Variants in CD96 observed in about 807,000 individuals in gnomAD.
CD96 encodes the protein CD96 molecule.
Under a neutral mutation model 71.3 loss-of-function variants are expected in CD96, and 70 were observed. The observed-to-expected ratio is 0.98, with a 90% CI of 0.81 to 1.20. The LOEUF is 1.20. CD96 is among the 50% of genes most tolerant of loss of function. The pLI is 0.00. For synonymous variants in CD96, 248 were observed against 233.0 expected (o/e 1.06, Z -0.59); for missense variants, 742 against 677.5 (o/e 1.10, Z -1.06).
At chr3:111,603,481 A>T (rs1937545653) in intron 7 of CD96, among the ~76,000 whole-genome samples, 1 of 152,062 alleles carries the variant, frequency 6.6e-6, no homozygotes, top group Non-Finnish European at 1.5e-5. Context: ...TAGCATGTCA[A>T]AATGTCTAAA....
At position 111,558,477 on chromosome 3, in the gene CD96, G is replaced by A. The variant is rs1248909479; in HGVS notation, c.419-9046G>A. ...CTATTGAGATAATCATGTGGTTTTT[G>A]TCTTTGGCTCTGTTTATATGCTGGA... On this transcript the variant is annotated intron_variant, in intron 2 of 13. Transcript: ENST00000352690. 4.1e-5 allele frequency among the ~76,000 whole-genome samples: 4 copies of A among 96,518 alleles called. No homozygotes were observed. The Admixed American group carries it at 4.4e-4, about 11-fold the overall frequency. 63.3% of individuals were successfully genotyped at this position (96,518 alleles called of 152,430 possible).
downstream of CD96, among the ~76,000 whole-genome samples, chr3:111,657,358 T>C (rs987494307): frequency 1.3e-5 from 2 of 151,322 alleles, no homozygotes; most frequent in African/African-American, 4.9e-5. Flanking sequence ...GTGGAGGTTG[T>C]GGTGAGCTAT....
chr3:111,626,306 C>CAAAAAAAAAAAAA (rs71131971), intron 10 of CD96, among the ~76,000 whole-genome samples: 1 of 74,708 alleles, frequency 1.3e-5, no homozygotes. Context: ...GACTCCGTCT[C>CAAAAAAAAAAAAA]AAAAAAAAAA....
chr3:111,644,538 C>T (rs936976088), intron 12 of CD96, among the ~76,000 whole-genome samples: 1 of 151,936 alleles, frequency 6.6e-6, no homozygotes, highest in African/African-American at 2.4e-5. Flanking sequence ...AACTAAAGAG[C>T]TTTTCCACAG....
chr3:111,618,753 G>A (rs1938374072), intron 8 of CD96, among the ~76,000 whole-genome samples: 1 of 151,748 alleles, frequency 6.6e-6, no homozygotes, highest in African/African-American at 2.4e-5. Context: ...TGTATTTTTA[G>A]TAGAGACGGG....
intron 12 of CD96, among the ~76,000 whole-genome samples, chr3:111,643,479 A>C (rs150220158): frequency 1.3e-5 from 2 of 152,110 alleles, no homozygotes; most frequent in African/African-American, 4.8e-5. Context: ...GTCCTAGCCA[A>C]AGCAATCAGA....
chr3:111,590,419 G>A (rs1936922781), intron 5 of CD96, among the ~76,000 whole-genome samples: 1 of 152,228 alleles, frequency 6.6e-6, no homozygotes, highest in African/African-American at 2.4e-5. Flanking sequence ...TACACTAGCA[G>A]CCCGCAGTGT....
intron 3 of CD96, among the ~76,000 whole-genome samples, chr3:111,577,873 C>T (rs201924981): frequency 1.3e-5 from 2 of 152,154 alleles, no homozygotes. Context: ...CCATTGAATG[C>T]ACTCCTGTTT....
chr3:111,557,490 A>G (rs1007883717), intron 2 of CD96, among the ~76,000 whole-genome samples: 1 of 119,432 alleles, frequency 8.4e-6, no homozygotes. Context: ...TGTTTTTCTC[A>G]GGTTTGTCAA....
chr3:111,647,484 C>T (rs1233060030), intron 12 of CD96, 59 bp from the exon 13 acceptor site: 2 of 1,537,638 alleles, frequency 1.3e-6, no homozygotes, highest in Non-Finnish European at 9.0e-7. Flanking sequence ...TGGTTTAATC[C>T]TGTTTTCCAA....
chr3:111,654,268 C>T (rs141585103), downstream of CD96, among the ~76,000 whole-genome samples: 572 of 152,298 alleles, frequency 3.8e-3, 1 homozygote, highest in Middle Eastern at 6.8e-3. Context: ...GGAATCAAGG[C>T]AGTTATTTCC....
chr3:111,596,165 A>AAAAT (rs1553705146), intron 5 of CD96, among the ~76,000 whole-genome samples: 1 of 151,886 alleles, frequency 6.6e-6, no homozygotes, highest in Non-Finnish European at 1.5e-5. Flanking sequence ...CTGTCTCAAA[A>AAAAT]AAATAAATAA....
chr3:111,581,559 A>G (rs1181875004), intron 4 of CD96, among the ~76,000 whole-genome samples: 1 of 152,140 alleles, frequency 6.6e-6, no homozygotes, highest in Non-Finnish European at 1.5e-5. Context: ...TACTCCAGCA[A>G]TTTTGCCACT....
chr3:111,623,646 A>C (rs1454728288), intron 8 of CD96, 108 bp from the exon 9 acceptor site: 5 of 744,656 alleles, frequency 6.7e-6, no homozygotes, highest in Non-Finnish European at 1.2e-5. Flanking sequence ...CTGTTCACTA[A>C]GATTCTTTCC....
At chr3:111,641,128 G>A (rs556079109) in intron 12 of CD96, among the ~76,000 whole-genome samples, 1 of 152,286 alleles carries the variant, frequency 6.6e-6, no homozygotes, top group South Asian at 2.1e-4. Context: ...CAAGATGAAA[G>A]CAATGGTACC....
intron 3 of CD96, among the ~76,000 whole-genome samples, chr3:111,568,319 G>A (rs559289105): frequency 6.6e-6 from 1 of 152,226 alleles, no homozygotes; most frequent in South Asian, 2.1e-4. Flanking sequence ...AAAATGAATA[G>A]TGGTCTATTA....
intron 8 of CD96, among the ~76,000 whole-genome samples, chr3:111,614,294 C>G (rs1460581803): frequency 2.0e-5 from 3 of 152,106 alleles, no homozygotes; most frequent in Non-Finnish European, 2.9e-5. Context: ...CTCCTCCGCT[C>G]CTAGCTGCTG....
chr3:111,616,927 AGGCTCAGAAG>A (rs1367417641), intron 8 of CD96, among the ~76,000 whole-genome samples: 1 of 152,136 alleles, frequency 6.6e-6, no homozygotes, highest in Non-Finnish European at 1.5e-5. Flanking sequence ...CCGCTTCTGC[AGGCTCAGAAG>A]GGCCTGCTTC....
Position 111,545,219 on chromosome 3 carries a change from TG to T in CD96, c.236del (p.Cys79LeufsTer11). On this transcript the variant is annotated frameshift_variant, in exon 2 of 14. Coordinates refer to ENST00000352690, the MANE Select transcript of CD96 (RefSeq NM_005816.5). LOFTEE classifies it high-confidence loss of function. ...CTATCATCCCCAATACGGCTTCTAC[TG>T]TGCCTATGGGAGACCCTGTGAGTCA... Reference protein sequence around the residue: ...AVYHPQYGFYCAYGRPCESLV... With the variant: ...AVYHPQYGFYXAYGRPCESLV... The T allele has an allele frequency of 1.9e-6, 3 of 1,614,238 alleles. No homozygotes were observed. Among genetic ancestry groups the T allele is most frequent in the Non-Finnish European group, 2.5e-6 (3 of 1,180,038 alleles).
Sources: gnomAD v4.1 joint callset for allele counts (sites outside exome capture counted in the v4.1 genomes callset) on GRCh38, gnomAD v4.1.1 for gene constraint, MANE v1.5 for transcripts, NCBI Gene and HGNC (gene_info 2026-07-23, HGNC 2026-07-21) for gene names.